DCLK1: variants seen among roughly 807,000 people sequenced by gnomAD.
The protein encoded by DCLK1 is serine/threonine-protein kinase DCLK1.
Under a neutral mutation model 86.2 loss-of-function variants are expected in DCLK1, and 16 were observed. The ratio of observed to expected loss-of-function variants is 0.19; its 90% CI spans 0.13 to 0.28. The LOEUF is 0.28. DCLK1 is among the 10% of genes least tolerant of loss of function. The pLI, the probability that DCLK1 is intolerant of heterozygous loss-of-function variation, is 1.00. For missense variants in DCLK1, 590 were observed against 940.2 expected, an observed-to-expected ratio of 0.63 and a Z score of 4.87; for synonymous variants, 369 against 370.5, an observed-to-expected ratio of 1.00 and a Z score of 0.05.
chr13:36,004,622 C>A (rs896671575), intron 3 of DCLK1, among the ~76,000 whole-genome samples: 1 of 152,152 alleles, frequency 6.6e-6, no homozygotes, highest in African/African-American at 2.4e-5. Context: ...GATACAGTCT[C>A]GCTCTGTTGC....
chr13:35,850,585 AC>A lies in DCLK1; in HGVS notation c.1035+3913del, dbSNP rs1281930724. 11 of 1,275,640 alleles carry A rather than the reference AC, an allele frequency of 8.6e-6. No individual in the cohort carries two copies. The Admixed American group carries it at 4.4e-4, about 51-fold the overall frequency. The allele number at this position is 1,275,640 out of a possible 1,614,324, so 79.0% of individuals were successfully genotyped here. A position where few individuals can be genotyped will look rare whatever the true frequency, so the allele number is the denominator to read the frequency against. ...ACGAAAACAAAATGCATACATATTT[AC>A]TTTTGGATGATTTGGTCTTTTATCA... On this transcript the variant is annotated intron_variant, in intron 6 of 16. Transcript: ENST00000360631.
chr13:35,870,907 G>T (rs562581811), intron 5 of DCLK1, among the ~76,000 whole-genome samples: 1 of 152,310 alleles, frequency 6.6e-6, no homozygotes, highest in South Asian at 2.1e-4. Flanking sequence ...TAGAATAAAT[G>T]CTTTAACAGA....
At chr13:35,836,225 T>C in intron 7 of DCLK1, 84 bp from the exon 8 acceptor site, 3 of 1,154,236 alleles carry the variant, frequency 2.6e-6, no homozygotes, top group Admixed American at 2.0e-5. Flanking sequence ...TATCATCTAA[T>C]TGACTGGAAT....
chr13:35,903,054 T>C (rs1046705978), intron 4 of DCLK1, among the ~76,000 whole-genome samples: 2 of 152,196 alleles, frequency 1.3e-5, no homozygotes, highest in African/African-American at 4.8e-5. Flanking sequence ...AAAATGGCTC[T>C]TCAGCAGCCT....
chr13:36,099,467 G>C (rs1290880310), intron 3 of DCLK1, among the ~76,000 whole-genome samples: 1 of 152,110 alleles, frequency 6.6e-6, no homozygotes, highest in African/African-American at 2.4e-5. Context: ...GAAAATGCAA[G>C]TTTCTCTAGT....
At chr13:35,838,072 A>AAAAAAAAAAAAAAAAAAAG (rs1555343219) in intron 7 of DCLK1, among the ~76,000 whole-genome samples, 8 of 149,920 alleles carry the variant, frequency 5.3e-5, no homozygotes, top group African/African-American at 2.0e-4. Flanking sequence ...TCTCAAAAAA[A>AAAAAAAAAAAAAAAAAAAG]AAAAGAAAAG....
intron 3 of DCLK1, among the ~76,000 whole-genome samples, chr13:35,979,911 A>C (rs903717281): frequency 6.6e-6 from 1 of 152,188 alleles, no homozygotes; most frequent in Non-Finnish European, 1.5e-5. Flanking sequence ...TCTGGGAAAA[A>C]CATATTACAA....
intron 3 of DCLK1, among the ~76,000 whole-genome samples, chr13:35,961,603 T>C (rs2153137368): frequency 6.6e-6 from 1 of 152,302 alleles, no homozygotes; most frequent in South Asian, 2.1e-4. Flanking sequence ...TTGCATCCCC[T>C]GAAATAATAT....
intron 3 of DCLK1, among the ~76,000 whole-genome samples, chr13:36,109,864 A>G (rs1346716148): frequency 6.6e-6 from 1 of 152,212 alleles, no homozygotes; most frequent in Non-Finnish European, 1.5e-5. Context: ...TTCTAGACAA[A>G]TTCAGTAAGG....
At chr13:36,124,957 G>A (rs549762481) in intron 2 of DCLK1, among the ~76,000 whole-genome samples, 1 of 152,190 alleles carries the variant, frequency 6.6e-6, no homozygotes, top group Non-Finnish European at 1.5e-5. Context: ...GCAATGACAG[G>A]CTTTATGCCC....
chr13:35,811,025 C>G, intron 11 of DCLK1, 57 bp from the exon 12 acceptor site: 1 of 1,606,574 alleles, frequency 6.2e-7, no homozygotes, highest in South Asian at 1.1e-5. Context: ...AAAGCCCTTT[C>G]TTGAAGAAAT....
chr13:35,853,401 T>C (rs775163973), intron 6 of DCLK1, among the ~76,000 whole-genome samples: 84 of 152,312 alleles, frequency 5.5e-4, no homozygotes, highest in Admixed American at 4.1e-3. Context: ...TTCCACCTGA[T>C]GCCAGGTGAA....
intron 6 of DCLK1, among the ~76,000 whole-genome samples, chr13:35,844,125 T>C (rs1870010032): frequency 6.6e-6 from 1 of 152,220 alleles, no homozygotes; most frequent in Non-Finnish European, 1.5e-5. Flanking sequence ...CAAATTCCTT[T>C]GTCTGCAATC....
chr13:35,976,569 C>T (rs1321932162), intron 3 of DCLK1, among the ~76,000 whole-genome samples: 3 of 93,624 alleles, frequency 3.2e-5, no homozygotes, highest in East Asian at 2.7e-4. Context: ...CTCGCTCTGT[C>T]GCCCAGGCTG....
intron 3 of DCLK1, among the ~76,000 whole-genome samples, chr13:36,106,259 G>A (rs1357475467): frequency 6.6e-6 from 1 of 152,082 alleles, no homozygotes. Context: ...TCTACATAAG[G>A]ACAGGTATAG....
At chr13:36,123,802 C>T (rs1886072225) in intron 2 of DCLK1, among the ~76,000 whole-genome samples, 1 of 152,236 alleles carries the variant, frequency 6.6e-6, no homozygotes, top group Admixed American at 6.5e-5. Context: ...TCATTATTAC[C>T]TTCAGTCAAG....
intron 3 of DCLK1, among the ~76,000 whole-genome samples, chr13:36,085,890 C>G (rs532420936): frequency 1.3e-4 from 20 of 152,274 alleles, no homozygotes; most frequent in Admixed American, 5.9e-4. Flanking sequence ...TTTGAATAAA[C>G]AGTCAGGAAC....
intron 3 of DCLK1, among the ~76,000 whole-genome samples, chr13:36,054,020 A>G (rs893454119): frequency 6.6e-6 from 1 of 152,174 alleles, no homozygotes; most frequent in African/African-American, 2.4e-5. Context: ...TCTCCATGAC[A>G]CTTCTACATG....
At chr13:35,892,796 A>G (rs1478275561) in intron 4 of DCLK1, among the ~76,000 whole-genome samples, 3 of 152,174 alleles carry the variant, frequency 2.0e-5, no homozygotes, top group Non-Finnish European at 4.4e-5. Flanking sequence ...ATTGTCTGGT[A>G]GCCCCTCCTG....
Sources: gnomAD v4.1 joint callset for allele counts (sites outside exome capture counted in the v4.1 genomes callset) on GRCh38, gnomAD v4.1.1 for gene constraint, MANE v1.5 for transcripts, NCBI Gene and HGNC (gene_info 2026-07-23, HGNC 2026-07-21) for gene names.